PDE4D: variants seen among roughly 807,000 people sequenced by gnomAD.
PDE4D encodes the protein phosphodiesterase 4D.
Under a neutral mutation model 87.4 loss-of-function variants are expected in PDE4D, and 24 were observed. The ratio of observed to expected loss-of-function variants is 0.27; its 90% CI spans 0.20 to 0.39. The LOEUF is 0.39. PDE4D is among the 10% of genes least tolerant of loss of function. The pLI is 1.00. For missense variants in PDE4D, 714 were observed against 1,041.0 expected, an observed-to-expected ratio of 0.69 and a Z score of 4.32; for synonymous variants, 384 against 383.2, an observed-to-expected ratio of 1.00 and a Z score of -0.02.
intron 1 of PDE4D, among the ~76,000 whole-genome samples, chr5:59,701,469 G>A (rs965701436): frequency 6.6e-6 from 1 of 152,120 alleles, no homozygotes; most frequent in Admixed American, 6.6e-5. Context: ...TACCCATACA[G>A]GTTTTGTTAA....
intron 1 of PDE4D, among the ~76,000 whole-genome samples, chr5:59,349,616 T>C (rs1460540496): frequency 6.6e-6 from 1 of 152,156 alleles, no homozygotes; most frequent in Non-Finnish European, 1.5e-5. Context: ...TAATTAAGCA[T>C]AAATATTCAT....
chr5:60,016,833 C>T (rs555482667), intron 2 of PDE4D, among the ~76,000 whole-genome samples: 20 of 152,246 alleles, frequency 1.3e-4, no homozygotes, highest in East Asian at 5.8e-4. Context: ...TTCCAAATGC[C>T]GGTAAATGTT....
intron 1 of PDE4D, among the ~76,000 whole-genome samples, chr5:59,842,039 G>A (rs1743096586): frequency 6.6e-6 from 1 of 152,004 alleles, no homozygotes; most frequent in South Asian, 2.1e-4. Context: ...GTGCTAGGAA[G>A]TTATTGAAGG....
rs189134284 is a variant in PDE4D, at chr5:59,619,717, A to G, written c.455+273451T>C. 3.3e-3 allele frequency among the ~76,000 whole-genome samples: 509 copies of G among 152,288 alleles called. 5 individuals carry two copies. The highest frequency in any genetic ancestry group is 0.012 in the African/African-American group (485 of 41,574). ...AGCCCATGGAGGAATAGACTGTTTT[A>G]TGCACAGAGAGTGGCCTACACTCTT... On this transcript the variant is annotated intron_variant, in intron 1 of 14. Coordinates refer to ENST00000340635, the MANE Select transcript of PDE4D (RefSeq NM_001104631.2).
intron 1 of PDE4D, among the ~76,000 whole-genome samples, chr5:60,343,291 T>C (rs1328777822): frequency 6.6e-6 from 1 of 152,148 alleles, no homozygotes; most frequent in Non-Finnish European, 1.5e-5. Flanking sequence ...GGAACACCCC[T>C]GCCTCACCAA....
chr5:59,058,670 G>T (rs1002984850), intron 5 of PDE4D, among the ~76,000 whole-genome samples: 1 of 151,978 alleles, frequency 6.6e-6, no homozygotes, highest in Non-Finnish European at 1.5e-5. Flanking sequence ...CCCTCTACCG[G>T]GGGCTTTCCA....
At chr5:59,701,002 G>A (rs1269187887) in intron 1 of PDE4D, among the ~76,000 whole-genome samples, 1 of 152,162 alleles carries the variant, frequency 6.6e-6, no homozygotes, top group East Asian at 1.9e-4. Context: ...TTCATGGTTT[G>A]AGGATGAACC....
intron 1 of PDE4D, among the ~76,000 whole-genome samples, chr5:60,380,584 T>C (rs1761782556): frequency 6.6e-6 from 1 of 152,222 alleles, no homozygotes; most frequent in South Asian, 2.1e-4. Flanking sequence ...AGTCAACTCA[T>C]AATAGACAAA....
At chr5:60,301,515 GC>G (rs1188508045) in intron 1 of PDE4D, among the ~76,000 whole-genome samples, 1 of 152,110 alleles carries the variant, frequency 6.6e-6, no homozygotes, top group East Asian at 1.9e-4. Flanking sequence ...CTGCTTGCCT[GC>G]TGTTGGTGTA....
At chr5:60,076,390 C>T (rs1025241752) in intron 2 of PDE4D, among the ~76,000 whole-genome samples, 12 of 152,140 alleles carry the variant, frequency 7.9e-5, no homozygotes, top group African/African-American at 2.9e-4. Context: ...GATATCTTGA[C>T]CTCGTGATCC....
At chr5:59,593,979 A>T (rs1390603128) in intron 1 of PDE4D, among the ~76,000 whole-genome samples, 1 of 152,174 alleles carries the variant, frequency 6.6e-6, no homozygotes, top group Non-Finnish European at 1.5e-5. Context: ...CTAGTTAATC[A>T]GAGCCTAACC....
chr5:59,041,980 C>G (rs1281850783), intron 5 of PDE4D, among the ~76,000 whole-genome samples: 1 of 152,104 alleles, frequency 6.6e-6, no homozygotes, highest in African/African-American at 2.4e-5. Flanking sequence ...AAGCCATGCA[C>G]CAGCCACTTT....
At chr5:59,586,834 G>C (rs775376752) in intron 1 of PDE4D, 94 of 985,250 alleles carry the variant, frequency 9.5e-5, no homozygotes, top group Non-Finnish European at 1.1e-4. Context: ...AAAACTTCAG[G>C]TTGCTTTGCC....
At chr5:59,514,969 CAATA>C (rs1428552831) in intron 1 of PDE4D, among the ~76,000 whole-genome samples, 1 of 152,048 alleles carries the variant, frequency 6.6e-6, no homozygotes, top group Admixed American at 6.5e-5. Context: ...AATAAAGCAG[CAATA>C]AATACATATT....
At chr5:59,302,038 C>T (rs1160360189) in intron 1 of PDE4D, among the ~76,000 whole-genome samples, 3 of 151,564 alleles carry the variant, frequency 2.0e-5, no homozygotes, top group South Asian at 2.1e-4. Flanking sequence ...CAAGAAGGGG[C>T]AAAACGTCAG....
chr5:59,240,621 C>T (rs764003783), intron 1 of PDE4D, among the ~76,000 whole-genome samples: 63 of 152,218 alleles, frequency 4.1e-4, no homozygotes, highest in Middle Eastern at 3.4e-3. Flanking sequence ...TAGGTTTAGA[C>T]CCTGCTCTGG....
At chr5:59,480,256 G>A (rs566547307) in intron 1 of PDE4D, among the ~76,000 whole-genome samples, 4 of 151,760 alleles carry the variant, frequency 2.6e-5, no homozygotes, top group East Asian at 3.9e-4. Flanking sequence ...TATCAAAAAG[G>A]ATAGAATAGT....
intron 1 of PDE4D, among the ~76,000 whole-genome samples, chr5:60,284,350 G>A (rs567506715): frequency 6.6e-6 from 1 of 152,198 alleles, no homozygotes; most frequent in African/African-American, 2.4e-5. Context: ...TGGGTAAAAA[G>A]TCCCTGAGAC....
chr5:59,364,373 T>C (rs570434364), intron 1 of PDE4D, among the ~76,000 whole-genome samples: 2 of 136,556 alleles, frequency 1.5e-5, no homozygotes, highest in South Asian at 4.7e-4. Flanking sequence ...ATAAGCCATT[T>C]TTATATTAGA....
Sources: gnomAD v4.1 joint callset for allele counts (sites outside exome capture counted in the v4.1 genomes callset) on GRCh38, gnomAD v4.1.1 for gene constraint, MANE v1.5 for transcripts, NCBI Gene and HGNC (gene_info 2026-07-23, HGNC 2026-07-21) for gene names.